Variants in GALNT17 observed in about 807,000 individuals in gnomAD.
GALNT17 encodes polypeptide N-acetylgalactosaminyltransferase 17, also known as UDP-GalNAc:polypeptide N-acetylgalactosaminyltransferase-like 3.
Under a neutral mutation model 63.7 loss-of-function variants are expected in GALNT17, and 29 were observed. The ratio of observed to expected loss-of-function variants is 0.46; its 90% CI spans 0.34 to 0.62. The LOEUF is 0.62. GALNT17 is among the 20% of genes least tolerant of loss of function. GALNT17 has a pLI of 0.01. For synonymous variants in GALNT17, 305 were observed against 318.3 expected, an observed-to-expected ratio of 0.96 and a Z score of 0.45; for missense variants, 603 against 799.6, an observed-to-expected ratio of 0.75 and a Z score of 2.97.
chr7:71,263,759 T>TA (rs1156359808), intron 1 of GALNT17, among the ~76,000 whole-genome samples: 3 of 151,712 alleles, frequency 2.0e-5, no homozygotes, highest in African/African-American at 4.8e-5. Flanking sequence ...CCGTCTCTAC[T>TA]AAAAAAATAC....
At chr7:71,467,075 T>C (rs1787547970) in intron 5 of GALNT17, among the ~76,000 whole-genome samples, 1 of 152,194 alleles carries the variant, frequency 6.6e-6, no homozygotes, top group African/African-American at 2.4e-5. Flanking sequence ...CTTCATGGCC[T>C]CTGACATTGG....
intron 1 of GALNT17, among the ~76,000 whole-genome samples, chr7:71,196,967 A>G (rs1263014299): frequency 7.0e-6 from 1 of 142,628 alleles, no homozygotes; most frequent in Non-Finnish European, 1.5e-5. Flanking sequence ...TTTTTTTTAA[A>G]AAATTTATTT....
chr7:71,161,414 C>A (rs999958904), intron 1 of GALNT17, among the ~76,000 whole-genome samples: 5 of 152,044 alleles, frequency 3.3e-5, no homozygotes, highest in Non-Finnish European at 5.9e-5. Context: ...TTGATTAATT[C>A]AATTGTTGAT....
chr7:71,534,598 C>CAAAAAA (rs371592743), intron 5 of GALNT17, among the ~76,000 whole-genome samples: 1 of 108,284 alleles, frequency 9.2e-6, no homozygotes, highest in Non-Finnish European at 1.9e-5. Flanking sequence ...GACTCCATCT[C>CAAAAAA]AAAAAAAAAA....
At chr7:71,444,914 C>T (rs560086798) in intron 5 of GALNT17, among the ~76,000 whole-genome samples, 8 of 152,258 alleles carry the variant, frequency 5.3e-5, no homozygotes, top group Non-Finnish European at 1.0e-4. Context: ...TCCAGGAGAA[C>T]GCAGGCTTTG....
intron 3 of GALNT17, among the ~76,000 whole-genome samples, chr7:71,410,448 G>T (rs753665277): frequency 6.6e-6 from 1 of 152,116 alleles, no homozygotes; most frequent in African/African-American, 2.4e-5. Context: ...GTTTCACCAC[G>T]TTGGCCAGGC....
intron 2 of GALNT17, among the ~76,000 whole-genome samples, chr7:71,350,939 A>G (rs2527314): frequency 0.3 from 45,697 of 152,164 alleles, 7,045 homozygotes; most frequent in East Asian, 0.48. Context: ...CCAGGAGTTT[A>G]AGATCAGCAT....
intron 1 of GALNT17, among the ~76,000 whole-genome samples, chr7:71,146,295 T>A (rs576850264): frequency 2.3e-4 from 35 of 152,236 alleles, no homozygotes; most frequent in Admixed American, 2.2e-3. Context: ...CTGAGTCCGC[T>A]GGGATATGCT....
intron 5 of GALNT17, among the ~76,000 whole-genome samples, chr7:71,563,760 T>C (rs978661623): frequency 2.6e-5 from 4 of 152,080 alleles, no homozygotes; most frequent in Non-Finnish European, 5.9e-5. Flanking sequence ...TTATTTTTCA[T>C]AGAGACAGGG....
At chr7:71,524,057 G>T (rs1481699698) in intron 5 of GALNT17, among the ~76,000 whole-genome samples, 1 of 151,020 alleles carries the variant, frequency 6.6e-6, no homozygotes, top group Non-Finnish European at 1.5e-5. Flanking sequence ...GTCAGAGGTT[G>T]CAGTGAGCTG....
At chr7:71,440,312 TG>T (rs1221045994) in intron 5 of GALNT17, among the ~76,000 whole-genome samples, 1 of 152,082 alleles carries the variant, frequency 6.6e-6, no homozygotes. Flanking sequence ...CTTTCTTCCT[TG>T]CTCCCCCACG....
intron 5 of GALNT17, among the ~76,000 whole-genome samples, chr7:71,435,300 T>C (rs2116499913): frequency 6.6e-6 from 1 of 152,368 alleles, no homozygotes; most frequent in East Asian, 1.9e-4. Flanking sequence ...CCTTGTTCCT[T>C]CTGGGTCATA....
rs758291046 is a variant in GALNT17 at position 71,416,013 on chromosome 7, C to T, written c.714C>T (p.Thr238=). The T allele has an allele frequency of 7.4e-6, 12 of 1,613,326 alleles. No individual in the cohort carries two copies. Among genetic ancestry groups the T allele is most frequent in the Non-Finnish European group, 8.5e-6 (10 of 1,179,760 alleles). ...RARIEGWKVA[T]GQVTGFFDAH... ...GCATTGAGGGCTGGAAGGTGGCTACCGGGCAGGTCACTGGCTTCTTTGATG... is the reference window on the plus strand; with the variant it reads ...GCATTGAGGGCTGGAAGGTGGCTACTGGGCAGGTCACTGGCTTCTTTGATG... The change falls in exon 4 of 11, where the codon ACC becomes ACT. Residue 238 remains threonine, a synonymous_variant. Transcript: ENST00000333538.
Position 71,189,834 on chromosome 7 carries a change from G to A in GALNT17, c.238+56794G>A, listed in dbSNP as rs566956039. On this transcript the variant is annotated intron_variant, in intron 1 of 10. Coordinates refer to ENST00000333538, the MANE Select transcript of GALNT17 (RefSeq NM_022479.3). ...TTCTTTTTTTTTTTTTTTTGAGACA[G>A]AGTTTCATTCTTGTTGCCCAGGCTG... Among the ~76,000 whole-genome samples, 5 of 145,600 alleles carry A rather than the reference G, an allele frequency of 3.4e-5. No homozygotes were observed. The South Asian group carries it at 6.5e-4, about 19-fold the overall frequency.
chr7:71,213,390 C>T (rs967149089), intron 1 of GALNT17, among the ~76,000 whole-genome samples: 8 of 152,226 alleles, frequency 5.3e-5, no homozygotes, highest in South Asian at 2.1e-4. Context: ...TTATCAGCAG[C>T]GTGAAAACAG....
intron 6 of GALNT17, among the ~76,000 whole-genome samples, chr7:71,641,641 C>T (rs1204505358): frequency 6.6e-6 from 1 of 152,018 alleles, no homozygotes; most frequent in Non-Finnish European, 1.5e-5. Flanking sequence ...GACCTAATCA[C>T]CTCCCAAAGA....
chr7:71,273,864 A>T (rs1373704566), intron 1 of GALNT17, among the ~76,000 whole-genome samples: 2 of 152,126 alleles, frequency 1.3e-5, no homozygotes, highest in African/African-American at 4.8e-5. Context: ...TGAGAGAGAG[A>T]GAGAGAGAGA....
At chr7:71,263,231 T>C (rs6960019) in intron 1 of GALNT17, among the ~76,000 whole-genome samples, 42,234 of 151,620 alleles carry the variant, frequency 0.28, 6,188 homozygotes, top group South Asian at 0.38. Context: ...TGGTGGCGGG[T>C]GCCTGTAGTC....
intron 5 of GALNT17, among the ~76,000 whole-genome samples, chr7:71,540,077 AGCCACTGT>A (rs1788863231): frequency 8.4e-6 from 1 of 119,546 alleles, no homozygotes; most frequent in Non-Finnish European, 1.6e-5. Context: ...TACAGTTGTG[AGCCACTGT>A]GCCTGGCCTT....
Sources: allele counts gnomAD v4.1 joint callset (sites outside exome capture counted in the v4.1 genomes callset), GRCh38; gene constraint gnomAD v4.1.1; transcripts MANE v1.5; gene names NCBI Gene and HGNC (gene_info 2026-07-23, HGNC 2026-07-21).